STX2: variants seen among roughly 807,000 people sequenced by gnomAD.
STX2 encodes the protein syntaxin-2.
A neutral mutation model predicts 40.6 loss-of-function variants in STX2; 27 were observed. That is an observed-to-expected ratio of 0.66 (90% CI 0.49 to 0.92). STX2 has a LOEUF of 0.92. Ranked by LOEUF, STX2 falls within the 40% of genes least tolerant of loss-of-function variation. STX2 has a pLI of 0.00. For missense variants in STX2, 328 were observed against 366.1 expected, an observed-to-expected ratio of 0.90 and a Z score of 0.85; for synonymous variants, 123 against 119.1, an observed-to-expected ratio of 1.03 and a Z score of -0.22.
At chr12:130,801,072 A>C in intron 8 of STX2, 81 bp downstream of exon 8, 1 of 1,453,526 alleles carries the variant, frequency 6.9e-7, no homozygotes, top group Non-Finnish European at 9.2e-7. Context: ...TCCTAGATAC[A>C]TCCACTAGAC....
intron 6 of STX2, among the ~76,000 whole-genome samples, chr12:130,802,924 T>A (rs1203247588): frequency 1.3e-5 from 2 of 152,184 alleles, no homozygotes; most frequent in Non-Finnish European, 2.9e-5. Flanking sequence ...GAGTAAAAAG[T>A]AGAATGCAGT....
chr12:130,808,624 A>G lies in STX2; in HGVS notation c.354+7T>C. On this transcript the variant is annotated splice_region_variant and intron_variant, in intron 5 of 10. Coordinates refer to ENST00000392373, the MANE Select transcript of STX2 (RefSeq NM_194356.4). ...TTACTTTAATCTAAACGAGGCTGAT[A>G]GCAAACCTGGGTTCTTCGTATCCGA... 1.2e-6 allele frequency: 2 copies of G among 1,611,586 alleles called. No homozygotes were observed. The highest frequency in any genetic ancestry group is 1.7e-6 in the Non-Finnish European group (2 of 1,179,320).
chr12:130,836,990 T>C (rs1314748526), intron 1 of STX2, among the ~76,000 whole-genome samples: 1 of 152,222 alleles, frequency 6.6e-6, no homozygotes, highest in Non-Finnish European at 1.5e-5. Context: ...AATAATTGCC[T>C]TATTTGCTTT....
chr12:130,821,931 C>T (rs899953263), intron 2 of STX2, 143 bp from the exon 3 acceptor site: 4 of 570,496 alleles, frequency 7.0e-6, no homozygotes, highest in African/African-American at 3.8e-5. Context: ...ACACTGGTAT[C>T]GTTAAATTTA....
intron 3 of STX2, among the ~76,000 whole-genome samples, chr12:130,821,295 C>A (rs529374389): frequency 6.6e-6 from 1 of 152,220 alleles, no homozygotes; most frequent in Non-Finnish European, 1.5e-5. Context: ...CGCCTCAGTG[C>A]GTCTTCCTAT....
At chr12:130,807,142 A>G in intron 5 of STX2, 52 bp from the exon 6 acceptor site, 1 of 1,551,698 alleles carries the variant, frequency 6.4e-7, no homozygotes, top group Non-Finnish European at 8.9e-7. Flanking sequence ...CCTTCTACTG[A>G]AAGTGACATG....
rs116690086 is a variant in STX2 at position 130,823,504 on chromosome 12, T to C, written c.106-1716A>G. 4.9e-3 allele frequency among the ~76,000 whole-genome samples: 739 copies of C among 152,294 alleles called. 2 individuals are homozygous for C. Among genetic ancestry groups the C allele is most frequent in the African/African-American group, 0.017 (702 of 41,566 alleles). ...GGCCCAACGTAACCACAGGATTCCT[T>C]ATAAGACGAGGCAAGGGAGCCAACG... is the stretch of plus-strand genomic sequence containing the variant. On this transcript the variant is annotated intron_variant, in intron 2 of 10. Transcript: ENST00000392373.
In STX2 at chr12:130,795,488, A is replaced by G. The variant is rs866367311; in HGVS notation, c.*45+507T>C. On this transcript the variant is annotated intron_variant, in intron 10 of 10. Transcript: ENST00000392373. ...AGGCTGAGTACAGTGGCTCATGTCT[A>G]TGTATAATCCCAGCACTTTGGGAGG... Among the ~76,000 whole-genome samples, 3 of 152,318 alleles carry G rather than the reference A, an allele frequency of 2.0e-5. No individual in the cohort carries two copies. The South Asian group carries it at 6.2e-4, about 32-fold the overall frequency.
At chr12:130,797,867 T>C (rs1164824625) in intron 9 of STX2, among the ~76,000 whole-genome samples, 1 of 152,176 alleles carries the variant, frequency 6.6e-6, no homozygotes, top group Non-Finnish European at 1.5e-5. Context: ...AGGTCCACGG[T>C]CTCAAATAAT....
intron 1 of STX2, among the ~76,000 whole-genome samples, chr12:130,833,060 A>C (rs1400022523): frequency 6.6e-6 from 1 of 152,158 alleles, no homozygotes; most frequent in Non-Finnish European, 1.5e-5. Context: ...TGCAGGTTCC[A>C]CAAGAGCAAG....
intron 2 of STX2, among the ~76,000 whole-genome samples, chr12:130,826,621 G>A (rs1037828810): frequency 6.6e-6 from 1 of 152,140 alleles, no homozygotes; most frequent in Non-Finnish European, 1.5e-5. Flanking sequence ...GAGAACTTAC[G>A]TAATTCAAAC....
intron 1 of STX2, among the ~76,000 whole-genome samples, chr12:130,837,287 C>T (rs77863755): frequency 0.024 from 3,695 of 151,838 alleles, 152 homozygotes; most frequent in African/African-American, 0.081. Context: ...TTTTTTTGTG[C>T]GTGCTTTGTT....
At chr12:130,834,201 TG>T (rs1952677910) in intron 1 of STX2, among the ~76,000 whole-genome samples, 1 of 151,878 alleles carries the variant, frequency 6.6e-6, no homozygotes, top group Admixed American at 6.6e-5. Flanking sequence ...CTGGCCAATG[TG>T]GTGAAACTCC....
At position 130,839,117 on chromosome 12, in the gene STX2, C is replaced by G. The variant is rs1469502443; in HGVS notation, c.-18G>C. On this transcript the variant is annotated 5_prime_UTR_variant, in exon 1 of 11. Coordinates refer to ENST00000392373, the MANE Select transcript of STX2 (RefSeq NM_194356.4). ...TCCCGCATCCCCGCCGGCCGGGCAG[C>G]GCGCCCCGCCGCTCAAGCCTGTCCC... is the stretch of plus-strand genomic sequence containing the variant. 3 of 1,258,656 alleles carry G rather than the reference C, an allele frequency of 2.4e-6. No individual in the cohort carries two copies. The highest frequency in any genetic ancestry group is 3.0e-6 in the Non-Finnish European group (3 of 1,001,308). The allele number at this position is 1,258,656 out of a possible 1,614,324, so 78.0% of individuals were successfully genotyped here. A position where few individuals can be genotyped will look rare whatever the true frequency, so the allele number is the denominator to read the frequency against.
chr12:130,807,183 A>G (rs1951468729), intron 5 of STX2, 93 bp from the exon 6 acceptor site: 10 of 1,178,958 alleles, frequency 8.5e-6, no homozygotes, highest in Non-Finnish European at 1.2e-5. Flanking sequence ...CTCAAACTAC[A>G]TGTTATTCTG....
At chr12:130,837,565 T>G (rs939287019) in intron 1 of STX2, among the ~76,000 whole-genome samples, 5 of 152,214 alleles carry the variant, frequency 3.3e-5, no homozygotes, top group African/African-American at 4.8e-5. Context: ...ATTACAGGCA[T>G]GAGCCACTGC....
intron 3 of STX2, among the ~76,000 whole-genome samples, chr12:130,814,809 G>C (rs1164840561): frequency 6.6e-6 from 1 of 151,736 alleles, no homozygotes; most frequent in Non-Finnish European, 1.5e-5. Context: ...GCTAATTTTT[G>C]TATTTTTAGT....
intron 2 of STX2, among the ~76,000 whole-genome samples, chr12:130,826,957 C>T (rs1005277683): frequency 1.3e-5 from 2 of 151,190 alleles, no homozygotes; most frequent in East Asian, 2.0e-4. Flanking sequence ...TGCAGTGAGC[C>T]GAGATTGTGC....
intron 5 of STX2, among the ~76,000 whole-genome samples, chr12:130,808,135 C>T (rs1167387584): frequency 6.6e-6 from 1 of 152,170 alleles, no homozygotes; most frequent in African/African-American, 2.4e-5. Context: ...GCATGTATAG[C>T]TCCTCCCTCA....
Sources: gnomAD v4.1 joint callset for allele counts (sites outside exome capture counted in the v4.1 genomes callset) on GRCh38, gnomAD v4.1.1 for gene constraint, MANE v1.5 for transcripts, NCBI Gene and HGNC (gene_info 2026-07-23, HGNC 2026-07-21) for gene names.